The following HDAC9 variants were observed in gnomAD, a reference collection of about 807,000 sequenced individuals.
HDAC9 encodes histone deacetylase 9, also known as MEF-2 interacting transcription repressor (MITR) protein.
A neutral mutation model predicts 139.4 loss-of-function variants in HDAC9; 41 were observed. The ratio of observed to expected loss-of-function variants is 0.29; its 90% confidence interval spans 0.23 to 0.38. The LOEUF is 0.38. Ranked by LOEUF, HDAC9 falls within the 10% of genes least tolerant of loss-of-function variation. HDAC9 has a pLI of 1.00. For synonymous variants in HDAC9, 517 were observed against 476.2 expected, an observed-to-expected ratio of 1.09 and a Z score of -1.12; for missense variants, 1,147 against 1,297.0, an observed-to-expected ratio of 0.88 and a Z score of 1.78.
chr7:18,375,450 C>T (rs1237515557), intron 1 of HDAC9, among the ~76,000 whole-genome samples: 3 of 151,640 alleles, frequency 2.0e-5, no homozygotes, highest in African/African-American at 2.4e-5. Context: ...GCCTGGGCGA[C>T]GGAGCTAGAC....
intron 2 of HDAC9, among the ~76,000 whole-genome samples, chr7:18,180,618 G>C (rs753081310): frequency 6.6e-6 from 1 of 152,148 alleles, no homozygotes; most frequent in Non-Finnish European, 1.5e-5. Flanking sequence ...AAGGAGCCAA[G>C]AAATACCTGT....
At chr7:18,422,744 G>GCGCACACA (rs1426974833) in intron 1 of HDAC9, among the ~76,000 whole-genome samples, 42 of 26,336 alleles carry the variant, frequency 1.6e-3, no homozygotes, top group African/African-American at 2.5e-3. Flanking sequence ...ACACACACGC[G>GCGCACACA]CACACACACA....
At chr7:18,430,734 A>T (rs907579139) in intron 1 of HDAC9, 1 of 152,088 alleles carries the variant, frequency 6.6e-6, no homozygotes, top group African/African-American at 2.4e-5. Context: ...TACAAAAAAA[A>T]AAAATAGTCA....
intron 1 of HDAC9, among the ~76,000 whole-genome samples, chr7:18,468,811 T>A (rs1467688802): frequency 6.6e-6 from 1 of 152,226 alleles, no homozygotes; most frequent in Non-Finnish European, 1.5e-5. Flanking sequence ...ATTCCTGTGT[T>A]GTCTTCCATT....
At chr7:18,392,031 A>G (rs1174429941) in intron 1 of HDAC9, among the ~76,000 whole-genome samples, 1 of 152,124 alleles carries the variant, frequency 6.6e-6, no homozygotes, top group East Asian at 1.9e-4. Flanking sequence ...CTCATAATTT[A>G]ACTAGCAATT....
In HDAC9 at chr7:18,789,457, T is replaced by A. The variant is rs74516714; in HGVS notation, c.2215-3888T>A. 4.8e-4 allele frequency among the ~76,000 whole-genome samples: 73 copies of A among 152,314 alleles called. No individual in the cohort carries two copies. The East Asian group carries it at 5.8e-3, about 12-fold the overall frequency. On this transcript the variant is annotated intron_variant, in intron 16 of 25. Coordinates refer to ENST00000686413, the MANE Select transcript of HDAC9 (RefSeq NM_178425.4). ...ATATAGTAGTTCTATTTTTAAGAAT[T>A]TGCCTTGCATGTCTTCTCAACTTTA...
At chr7:18,943,206 C>T (rs528845041) in intron 23 of HDAC9, among the ~76,000 whole-genome samples, 2 of 152,102 alleles carry the variant, frequency 1.3e-5, no homozygotes, top group South Asian at 4.1e-4. Flanking sequence ...CAGCCCTGAA[C>T]GAACTTCCCT....
At chr7:18,536,236 C>T (rs1362648719) in intron 2 of HDAC9, among the ~76,000 whole-genome samples, 2 of 152,130 alleles carry the variant, frequency 1.3e-5, no homozygotes, top group African/African-American at 4.8e-5. Context: ...GACCAGAGGT[C>T]CCTGGAAGGA....
At chr7:18,441,964 G>T (rs1392483665) in intron 1 of HDAC9, among the ~76,000 whole-genome samples, 2 of 152,102 alleles carry the variant, frequency 1.3e-5, no homozygotes, top group Non-Finnish European at 2.9e-5. Context: ...TAGAGACAGG[G>T]TTTCACTGTA....
At chr7:18,466,384 A>T (rs1794282042) in intron 1 of HDAC9, among the ~76,000 whole-genome samples, 1 of 151,940 alleles carries the variant, frequency 6.6e-6, no homozygotes, top group African/African-American at 2.4e-5. Flanking sequence ...TTTAATGGAG[A>T]TGAGTTTTGC....
intron 6 of HDAC9, among the ~76,000 whole-genome samples, chr7:18,626,033 T>C (rs576103604): frequency 6.7e-6 from 1 of 148,230 alleles, no homozygotes; most frequent in East Asian, 2.0e-4. Context: ...GCAGCGTGGG[T>C]CATAGACTTT....
chr7:18,473,758 T>C (rs113439388), intron 1 of HDAC9, among the ~76,000 whole-genome samples: 3 of 152,376 alleles, frequency 2.0e-5, no homozygotes, highest in African/African-American at 7.2e-5. Context: ...AGCCTTGTTA[T>C]GTTTTCCGTA....
intron 1 of HDAC9, among the ~76,000 whole-genome samples, chr7:18,379,365 T>C (rs1207686734): frequency 6.6e-6 from 1 of 152,214 alleles, no homozygotes; most frequent in East Asian, 1.9e-4. Flanking sequence ...AATCCATGTA[T>C]ACCAGACAAA....
intron 16 of HDAC9, among the ~76,000 whole-genome samples, chr7:18,772,005 A>G (rs1019890967): frequency 1.6e-4 from 24 of 152,266 alleles, no homozygotes; most frequent in African/African-American, 5.8e-4. Context: ...ACGAATGAGC[A>G]ATGAGACAAG....
intron 17 of HDAC9, among the ~76,000 whole-genome samples, chr7:18,823,596 G>T (rs768925625): frequency 3.9e-4 from 59 of 152,152 alleles, no homozygotes; most frequent in Non-Finnish European, 2.1e-4. Context: ...AATCTCCAGT[G>T]TGACTGTATT....
chr7:18,471,372 C>T (rs213276), intron 1 of HDAC9, among the ~76,000 whole-genome samples: 146,903 of 152,320 alleles, frequency 0.96, 70,860 homozygotes, highest in East Asian at 1. Flanking sequence ...TTACACAATA[C>T]CTTTTAGTTT....
At chr7:18,983,237 A>G (rs534828467) in intron 25 of HDAC9, among the ~76,000 whole-genome samples, 9 of 152,286 alleles carry the variant, frequency 5.9e-5, no homozygotes, top group African/African-American at 1.7e-4. Flanking sequence ...CACTTAGTGT[A>G]ATGTCCTTAA....
chr7:18,548,323 T>C (rs1365691852), intron 2 of HDAC9, among the ~76,000 whole-genome samples: 5 of 151,890 alleles, frequency 3.3e-5, no homozygotes, highest in African/African-American at 2.4e-5. Flanking sequence ...ACAGATATAA[T>C]AATAATGAAA....
rs75688113 is a variant in HDAC9, at chr7:18,591,325, A to G, written c.416-191A>G. Among the ~76,000 whole-genome samples, 400 of 152,256 alleles carry G rather than the reference A, an allele frequency of 2.6e-3. 2 individuals carry two copies. The highest frequency in any genetic ancestry group is 9.0e-3 in the African/African-American group (373 of 41,544). ...AGTATTTATAAAGCATTACTGTACTATTTTCTAAAGCATATTTGGACTGTG... is the reference window on the plus strand; with the variant it reads ...AGTATTTATAAAGCATTACTGTACTGTTTTCTAAAGCATATTTGGACTGTG... On this transcript the variant is annotated intron_variant, in intron 4 of 25. Coordinates refer to ENST00000686413, the MANE Select transcript of HDAC9 (RefSeq NM_178425.4).
Sources: allele counts gnomAD v4.1 joint callset (sites outside exome capture counted in the v4.1 genomes callset), GRCh38; gene constraint gnomAD v4.1.1; transcripts MANE v1.5; gene names NCBI Gene and HGNC (gene_info 2026-07-23, HGNC 2026-07-21).